The following PRKCB variants were observed in gnomAD, a reference collection of about 807,000 sequenced individuals.
PRKCB encodes the protein protein kinase C beta type.
A neutral mutation model predicts 81.5 loss-of-function variants in PRKCB; 13 were observed. That is an observed-to-expected ratio of 0.16 (90% CI 0.10 to 0.25). The LOEUF is 0.25. Among genes scored for constraint, PRKCB ranks in the 10% least tolerant of loss-of-function variants. The pLI is 1.00. For missense variants in PRKCB, 509 were observed against 875.7 expected (o/e 0.58, Z 5.29); for synonymous variants, 335 against 321.4 (o/e 1.04, Z -0.45).
chr16:23,841,649 CTTTTTTTTTTTTTT>C (rs59288831), intron 2 of PRKCB, among the ~76,000 whole-genome samples: 7 of 59,044 alleles, frequency 1.2e-4, no homozygotes, highest in Non-Finnish European at 1.7e-4. Context: ...CACCACGGCC[CTTTTTTTTTTTTTT>C]TTTTTTTTTT....
At chr16:24,130,318 C>T (rs1014325091) in intron 9 of PRKCB, among the ~76,000 whole-genome samples, 15 of 152,128 alleles carry the variant, frequency 9.9e-5, no homozygotes, top group Non-Finnish European at 2.1e-4. Flanking sequence ...CCATGGGCAC[C>T]TGCGGGAGTG....
intron 3 of PRKCB, among the ~76,000 whole-genome samples, chr16:24,030,186 C>T (rs1259938558): frequency 6.6e-6 from 1 of 152,228 alleles, no homozygotes; most frequent in Non-Finnish European, 1.5e-5. Context: ...GCGTGAGACA[C>T]TGTACCTGGT....
Position 24,165,883 on chromosome 16 carries a change from C to CTTTTTTTTTTTTT in PRKCB, c.1240-6376_1240-6364dup, listed in dbSNP as rs71154285. ...AAAGATTTTTTTCTTTTCTTTCTTT[C>CTTTTTTTTTTTTT]TTTTTTTTTTTTTTTTTTTTTTTGA... On this transcript the variant is annotated intron_variant, in intron 10 of 16. Transcript: ENST00000643927. 6.2e-3 allele frequency among the ~76,000 whole-genome samples: 585 copies of CTTTTTTTTTTTTT among 93,848 alleles called. 1 individual carries two copies. The highest frequency in any genetic ancestry group is 8.7e-3 in the Non-Finnish European group (401 of 46,232). The allele number at this position is 93,848 out of a possible 152,430, so 61.6% of individuals were successfully genotyped here. A position where few individuals can be genotyped will look rare whatever the true frequency, so the allele number is the denominator to read the frequency against.
At chr16:24,181,789 A>AAAAAAAAAAG (rs1013403340) in intron 13 of PRKCB, among the ~76,000 whole-genome samples, 15 of 138,806 alleles carry the variant, frequency 1.1e-4, no homozygotes, top group East Asian at 9.7e-4. Context: ...AAAAAAAAAA[A>AAAAAAAAAAG]AAGAAGAAGA....
intron 16 of PRKCB, chr16:24,208,622 T>G (rs1322765379): frequency 6.6e-6 from 1 of 152,112 alleles, no homozygotes; most frequent in African/African-American, 2.4e-5. Flanking sequence ...CTTTTTTTTT[T>G]TAAGCTGAGT....
intron 9 of PRKCB, among the ~76,000 whole-genome samples, chr16:24,142,163 CA>C (rs1209287475): frequency 1.3e-5 from 2 of 152,162 alleles, no homozygotes; most frequent in Non-Finnish European, 2.9e-5. Context: ...CAAGAACACA[CA>C]GCAAACCATA....
intron 2 of PRKCB, among the ~76,000 whole-genome samples, chr16:23,933,527 GATA>G (rs1382521522): frequency 6.6e-6 from 1 of 152,120 alleles, no homozygotes; most frequent in African/African-American, 2.4e-5. Context: ...TGTTGGGGAA[GATA>G]ATATTTTAAA....
rs1967684435 is a variant in PRKCB, at chr16:24,185,191, G to T, written c.1614G>T (p.Gln538His). Residue 538 changes from glutamine to histidine, a missense_variant and splice_region_variant, in exon 14 of 17, where the codon CAG becomes CAT. Transcript: ENST00000643927. ...GVLLYEMLAG[Q>H]APFEGEDEDE... ...TGCTGTATGAAATGTTGGCTGGGCAGGTAATTGAATTTTAAGTGATCGATA... is the reference window on the plus strand; with the variant it reads ...TGCTGTATGAAATGTTGGCTGGGCATGTAATTGAATTTTAAGTGATCGATA... 6.2e-7 allele frequency: 1 copy of T among 1,613,124 alleles called. No homozygotes were observed. The highest frequency in any genetic ancestry group is 8.5e-7 in the Non-Finnish European group (1 of 1,179,556).
chr16:23,938,268 C>T (rs1596480344), intron 2 of PRKCB, among the ~76,000 whole-genome samples: 1 of 152,166 alleles, frequency 6.6e-6, no homozygotes, highest in African/African-American at 2.4e-5. Context: ...ATTTGATTCT[C>T]AGTCAAACTG....
At chr16:24,007,656 C>T (rs539920065) in intron 3 of PRKCB, among the ~76,000 whole-genome samples, 4 of 152,304 alleles carry the variant, frequency 2.6e-5, no homozygotes, top group Non-Finnish European at 4.4e-5. Flanking sequence ...AGAAACCAAC[C>T]GTGCACAGAG....
intron 3 of PRKCB, among the ~76,000 whole-genome samples, chr16:24,026,458 C>G (rs912053772): frequency 6.6e-6 from 1 of 152,112 alleles, no homozygotes; most frequent in Admixed American, 6.5e-5. Context: ...TCTTGGAGAT[C>G]GCTCAAGAAA....
At chr16:23,875,334 C>T (rs997492425) in intron 2 of PRKCB, among the ~76,000 whole-genome samples, 10 of 151,936 alleles carry the variant, frequency 6.6e-5, no homozygotes, top group African/African-American at 9.7e-5. Flanking sequence ...CCACCATGCC[C>T]AGCCTCTCTG....
At chr16:23,919,504 A>T (rs956434756) in intron 2 of PRKCB, among the ~76,000 whole-genome samples, 2 of 152,038 alleles carry the variant, frequency 1.3e-5, no homozygotes, top group African/African-American at 4.8e-5. Flanking sequence ...TTTGAAATGG[A>T]TCATATTTTA....
chr16:23,841,997 T>C (rs1486213781), intron 2 of PRKCB, among the ~76,000 whole-genome samples: 4 of 152,120 alleles, frequency 2.6e-5, no homozygotes, highest in Non-Finnish European at 5.9e-5. Context: ...GTAGAGATAG[T>C]GGATCTTGCT....
Position 24,040,890 on chromosome 16 carries a change from T to C in PRKCB, c.529+5343T>C, listed in dbSNP as rs76330968. ...ATGACCACCCTTGTTCCCTGGACAA[T>C]GTAGAAAAGACATGGAGCAGTGGGA... On this transcript the variant is annotated intron_variant, in intron 5 of 16. Coordinates refer to ENST00000643927, the MANE Select transcript of PRKCB (RefSeq NM_002738.7). Among the ~76,000 whole-genome samples, 21 of 152,160 alleles carry C rather than the reference T, an allele frequency of 1.4e-4. No individual in the cohort carries two copies. In the East Asian group the frequency reaches 3.9e-3, roughly 28 times the overall value.
rs975667798 is a variant in PRKCB, at chr16:24,212,461, C to CTTTTTTTTTT, written c.1864-2180_1864-2171dup. On this transcript the variant is annotated intron_variant, in intron 16 of 16. Transcript: ENST00000643927. Reference sequence around the variant, plus strand: ...CTCTCTCCTCCTGTGCTTTTTTTTCCTTTTTTTTTTTTTTTTTTTTTTTTT... The same window carrying CTTTTTTTTTT: ...CTCTCTCCTCCTGTGCTTTTTTTTCCTTTTTTTTTTTTTTTTTTTTTTTTTTTTTTTTTTT... Among the ~76,000 whole-genome samples, 123 of 78,024 alleles carry CTTTTTTTTTT rather than the reference C, an allele frequency of 1.6e-3. 1 individual carries two copies. Among genetic ancestry groups the CTTTTTTTTTT allele is most frequent in the African/African-American group, 3.0e-3 (61 of 20,198 alleles). The allele number at this position is 78,024 out of a possible 152,430, so 51.2% of individuals were successfully genotyped here.
intron 9 of PRKCB, among the ~76,000 whole-genome samples, chr16:24,139,886 G>A (rs1157695850): frequency 1.3e-5 from 2 of 152,150 alleles, no homozygotes; most frequent in Non-Finnish European, 2.9e-5. Context: ...GACTGTATTC[G>A]AAAAGTGCTG....
intron 2 of PRKCB, among the ~76,000 whole-genome samples, chr16:23,923,732 A>C (rs1178652578): frequency 6.6e-6 from 1 of 152,046 alleles, no homozygotes; most frequent in Non-Finnish European, 1.5e-5. Context: ...GTTTCTCCTA[A>C]TACTGAGATG....
At chr16:24,073,633 C>T (rs1273752103) in intron 5 of PRKCB, among the ~76,000 whole-genome samples, 5 of 152,180 alleles carry the variant, frequency 3.3e-5, no homozygotes, top group African/African-American at 1.2e-4. Flanking sequence ...TTGCGCCTGG[C>T]CGGTTTTTTA....
Sources: gnomAD v4.1 joint callset for allele counts (sites outside exome capture counted in the v4.1 genomes callset) on GRCh38, gnomAD v4.1.1 for gene constraint, MANE v1.5 for transcripts, NCBI Gene and HGNC (gene_info 2026-07-23, HGNC 2026-07-21) for gene names.